The following PID1 variants were observed in gnomAD, a reference collection of about 807,000 sequenced individuals.
PID1 encodes PTB-containing, cubilin and LRP1-interacting protein.
Under a neutral mutation model 19.1 loss-of-function variants are expected in PID1, and 10 were observed. The ratio of observed to expected loss-of-function variants is 0.52; its 90% confidence interval spans 0.32 to 0.89. The LOEUF is 0.89. Among genes scored for constraint, PID1 ranks in the 40% least tolerant of loss-of-function variants. PID1 has a pLI of 0.03. For synonymous variants in PID1, 130 were observed against 116.0 expected (o/e 1.12, Z -0.78); for missense variants, 248 against 285.3 (o/e 0.87, Z 0.94).
At chr2:229,066,525 C>T (rs1363487782) in intron 2 of PID1, among the ~76,000 whole-genome samples, 1 of 152,044 alleles carries the variant, frequency 6.6e-6, no homozygotes, top group Admixed American at 6.6e-5. Context: ...GGGAATATAA[C>T]AATAACTTCC....
intron 2 of PID1, among the ~76,000 whole-genome samples, chr2:229,118,814 T>C (rs769918317): frequency 1.2e-4 from 19 of 152,168 alleles, no homozygotes; most frequent in Admixed American, 2.6e-4. Flanking sequence ...TGAAGTGCTG[T>C]CTTTTTGAAC....
chr2:229,106,203 G>A (rs560459291), intron 2 of PID1, among the ~76,000 whole-genome samples: 9 of 152,094 alleles, frequency 5.9e-5, no homozygotes, highest in Admixed American at 4.6e-4. Context: ...TCTCATATTT[G>A]GAAAGATTAA....
At chr2:229,085,456 G>A (rs1011988355) in intron 2 of PID1, among the ~76,000 whole-genome samples, 2 of 152,236 alleles carry the variant, frequency 1.3e-5, no homozygotes, top group East Asian at 3.9e-4. Flanking sequence ...TTCAAAAGGT[G>A]TTCAATAAAG....
At chr2:229,153,850 T>C (rs968084322) in intron 2 of PID1, among the ~76,000 whole-genome samples, 8 of 152,216 alleles carry the variant, frequency 5.3e-5, no homozygotes, top group Non-Finnish European at 8.8e-5. Flanking sequence ...TTATAGGCTT[T>C]ATCACACTTA....
At chr2:229,099,783 T>C (rs889860470) in intron 2 of PID1, among the ~76,000 whole-genome samples, 3 of 152,222 alleles carry the variant, frequency 2.0e-5, no homozygotes, top group African/African-American at 7.2e-5. Context: ...AAAACCTCAT[T>C]GATTTCACTC....
chr2:229,056,376 A>T (rs1694100495), intron 2 of PID1, among the ~76,000 whole-genome samples: 1 of 151,464 alleles, frequency 6.6e-6, no homozygotes, highest in South Asian at 2.1e-4. Flanking sequence ...TAACTGATAC[A>T]CTCTGCTTCT....
chr2:229,095,374 T>A (rs543593101), intron 2 of PID1, among the ~76,000 whole-genome samples: 20 of 152,196 alleles, frequency 1.3e-4, no homozygotes, highest in African/African-American at 4.6e-4. Context: ...TCTCTCAAAT[T>A]ATAATATTTA....
intron 1 of PID1, among the ~76,000 whole-genome samples, chr2:229,193,030 T>A (rs1230979193): frequency 2.0e-5 from 3 of 152,208 alleles, no homozygotes; most frequent in Admixed American, 6.6e-5. Flanking sequence ...TCTCTTATTG[T>A]ATAATAAATT....
intron 1 of PID1, among the ~76,000 whole-genome samples, chr2:229,177,199 C>T (rs538099052): frequency 1.3e-5 from 2 of 152,236 alleles, no homozygotes; most frequent in South Asian, 2.1e-4. Flanking sequence ...TCTCACAACA[C>T]GTGGGAATGG....
chr2:229,103,604 G>T, intron 2 of PID1, among the ~76,000 whole-genome samples: 1 of 121,546 alleles, frequency 8.2e-6, no homozygotes, highest in East Asian at 2.5e-4. Context: ...TTGAGACAGA[G>T]TCTCGCTCTG....
chr2:229,215,893 T>C (rs901700567), intron 1 of PID1, among the ~76,000 whole-genome samples: 19 of 152,200 alleles, frequency 1.2e-4, no homozygotes, highest in Non-Finnish European at 2.8e-4. Flanking sequence ...TGTATTATGG[T>C]TTCCAACTAA....
rs1167861981 is a variant in PID1 at position 229,139,065 on chromosome 2, A to AAG, written c.177+16751_177+16752dup. On this transcript the variant is annotated intron_variant, in intron 2 of 2. Transcript: ENST00000392055. ...AGAAAGAAAGAAAGAAAGAGAAAGA[A>AAG]AGAAAGAAAGAAAGAAAGAAAGAAA... 9.1e-4 allele frequency among the ~76,000 whole-genome samples: 50 copies of AAG among 55,072 alleles called. 1 individual carries two copies. Among genetic ancestry groups the AAG allele is most frequent in the Admixed American group, 2.5e-3 (14 of 5,652 alleles). The allele number at this position is 55,072 out of a possible 152,430, so 36.1% of individuals were successfully genotyped here.
chr2:229,227,148 C>T (rs557397445), intron 1 of PID1, among the ~76,000 whole-genome samples: 1 of 152,292 alleles, frequency 6.6e-6, no homozygotes, highest in African/African-American at 2.4e-5. Flanking sequence ...CTTGACCTCC[C>T]AAATGTCAAC....
At chr2:229,162,341 G>C (rs1213063535) in intron 1 of PID1, among the ~76,000 whole-genome samples, 1 of 152,166 alleles carries the variant, frequency 6.6e-6, no homozygotes. Flanking sequence ...AATTCAAATT[G>C]GTTGTATCTC....
chr2:229,228,415 T>C (rs571081777), intron 1 of PID1, among the ~76,000 whole-genome samples: 25 of 152,350 alleles, frequency 1.6e-4, no homozygotes, highest in Non-Finnish European at 3.5e-4. Context: ...GCCTCACATA[T>C]ATTTAAGCAG....
intron 2 of PID1, among the ~76,000 whole-genome samples, chr2:229,069,690 T>C (rs931809003): frequency 1.3e-5 from 2 of 152,176 alleles, no homozygotes; most frequent in Non-Finnish European, 2.9e-5. Flanking sequence ...TGGTTTTGTA[T>C]TCTTGGGCGT....
At chr2:229,112,069 G>C (rs901508449) in intron 2 of PID1, among the ~76,000 whole-genome samples, 1 of 152,190 alleles carries the variant, frequency 6.6e-6, no homozygotes, top group Admixed American at 6.5e-5. Context: ...CCAATTATTG[G>C]ATAGCATGTG....
intron 1 of PID1, among the ~76,000 whole-genome samples, chr2:229,163,205 T>C (rs897272838): frequency 2.0e-5 from 3 of 152,200 alleles, no homozygotes; most frequent in Admixed American, 6.5e-5. Context: ...CTAGCAGGCA[T>C]ATACAAAATT....
chr2:229,153,245 G>A lies in PID1; in HGVS notation c.177+2573C>T, dbSNP rs12478946. On this transcript the variant is annotated intron_variant, in intron 2 of 2. Transcript: ENST00000392055. ...CAGTACGTTTCCAGTCAAAACTTAA[G>A]TGTATTCTGTCAATAGTATACAATT... Among the ~76,000 whole-genome samples the A allele has an allele frequency of 9.7e-3, 1,475 of 152,312 alleles. 87 individuals carry two copies. The highest frequency in any genetic ancestry group is 0.087 in the Admixed American group (1,332 of 15,298).
Sources: gnomAD v4.1 joint callset for allele counts (sites outside exome capture counted in the v4.1 genomes callset) on GRCh38, gnomAD v4.1.1 for gene constraint, MANE v1.5 for transcripts, NCBI Gene and HGNC (gene_info 2026-07-23, HGNC 2026-07-21) for gene names.